Variants in RORA observed in about 807,000 individuals in gnomAD.
RORA encodes the protein RAR related orphan receptor A, also known as nuclear receptor ROR-alpha.
In RORA, 7 loss-of-function variants were observed where a neutral mutation model predicts 69.5. The observed-to-expected ratio is 0.10, with a 90% CI of 0.06 to 0.19. The LOEUF (loss-of-function observed/expected upper bound fraction) is 0.19. RORA is among the 10% of genes least tolerant of loss of function. The probability of loss-of-function intolerance (pLI) is 1.00; values close to 1 mark genes in which losing one functional copy is unlikely to be tolerated. For synonymous variants in RORA, 261 were observed against 240.8 expected (o/e 1.08, Z -0.78); for missense variants, 457 against 663.0 (o/e 0.69, Z 3.41).
At chr15:60,960,390 G>A (rs1403312413) in intron 1 of RORA, among the ~76,000 whole-genome samples, 1 of 152,154 alleles carries the variant, frequency 6.6e-6, no homozygotes, top group Non-Finnish European at 1.5e-5. Flanking sequence ...GACTCTCTTA[G>A]GAAGTAGCAG....
chr15:60,614,598 T>C (rs533778083), intron 2 of RORA, among the ~76,000 whole-genome samples: 1 of 152,262 alleles, frequency 6.6e-6, no homozygotes, highest in East Asian at 1.9e-4. Context: ...AAGACATGGC[T>C]TCTGTGTCGG....
intron 1 of RORA, among the ~76,000 whole-genome samples, chr15:60,851,738 G>A (rs2073327031): frequency 6.6e-6 from 1 of 151,534 alleles, no homozygotes; most frequent in Non-Finnish European, 1.5e-5. Context: ...GAGAGTGTGT[G>A]TGTGTATGAG....
At position 61,162,122 on chromosome 15, in the gene RORA, C is replaced by A. The variant is rs777359243; in HGVS notation, c.166+66931G>T. On this transcript the variant is annotated intron_variant, in intron 1 of 10. Coordinates refer to ENST00000335670, the MANE Select transcript of RORA (RefSeq NM_134261.3). Reference sequence around the variant, plus strand: ...ACTTTTGCCTACAGTCAGAAAAAAACGAAAAATGGCCTTAAAAATATTTCA... The same window carrying A: ...ACTTTTGCCTACAGTCAGAAAAAAAAGAAAAATGGCCTTAAAAATATTTCA... Among the ~76,000 whole-genome samples the A allele has an allele frequency of 6.6e-5, 10 of 151,994 alleles. No homozygotes were observed. In the South Asian group the frequency reaches 1.5e-3, roughly 22 times the overall value.
chr15:60,763,065 A>ATTTT (rs374433414), intron 1 of RORA, among the ~76,000 whole-genome samples: 654 of 48,360 alleles, frequency 0.014, 98 homozygotes, highest in African/African-American at 0.029. Flanking sequence ...ATATGCACAG[A>ATTTT]TTTTTTTTTT....
rs550997424 is a variant in RORA at position 60,982,235 on chromosome 15, G to A, written c.166+246818C>T. Among the ~76,000 whole-genome samples, 7 of 152,308 alleles carry A rather than the reference G, an allele frequency of 4.6e-5. No homozygotes were observed. The South Asian group carries it at 1.2e-3, about 27-fold the overall frequency. On this transcript the variant is annotated intron_variant, in intron 1 of 10. Coordinates refer to ENST00000335670, the MANE Select transcript of RORA (RefSeq NM_134261.3). ...CTTTGCCTTCACTTCCTGATTATGC[G>A]TAGCCTAATGGCCAGCCAGAGTTAA...
At chr15:60,610,694 C>T (rs2069064738) in intron 2 of RORA, among the ~76,000 whole-genome samples, 1 of 151,810 alleles carries the variant, frequency 6.6e-6, no homozygotes, top group Admixed American at 6.6e-5. Context: ...GTGATAGAAA[C>T]AGCACAATTG....
intron 1 of RORA, among the ~76,000 whole-genome samples, chr15:60,955,999 C>T (rs1399606180): frequency 2.0e-5 from 3 of 152,172 alleles, no homozygotes; most frequent in Non-Finnish European, 4.4e-5. Flanking sequence ...ACATTGTAAT[C>T]GCTGGCACAA....
chr15:60,663,105 T>A (rs2070328857), intron 2 of RORA, among the ~76,000 whole-genome samples: 1 of 152,236 alleles, frequency 6.6e-6, no homozygotes, highest in African/African-American at 2.4e-5. Flanking sequence ...GAAGCCTATA[T>A]TGCAACTGTT....
intron 1 of RORA, among the ~76,000 whole-genome samples, chr15:61,110,286 C>A (rs115909738): frequency 0.13 from 19,198 of 151,760 alleles, 1,295 homozygotes; most frequent in South Asian, 0.21. Flanking sequence ...GTCCCAGATA[C>A]TAGGGAGGCT....
intron 1 of RORA, among the ~76,000 whole-genome samples, chr15:61,066,977 C>T (rs915140873): frequency 9.4e-5 from 14 of 149,444 alleles, no homozygotes; most frequent in African/African-American, 1.7e-4. Flanking sequence ...ATTAAAGGTA[C>T]GATTGTGGAA....
Position 60,489,270 on chromosome 15 carries a change from A to G in RORA, c.*8185T>C, listed in dbSNP as rs1358962355. On this transcript the variant is annotated 3_prime_UTR_variant, in exon 11 of 11. Transcript: ENST00000335670. ...TGCATTTATAATTAAGGTAACAGCA[A>G]CTCTTCCACAAAAATGGAAAATGTC... The G allele has an allele frequency of 6.6e-6, 1 of 152,146 alleles. No individual in the cohort carries two copies. The highest frequency in any genetic ancestry group is 1.9e-4 in the East Asian group (1 of 5,194). 9.4% of individuals were successfully genotyped at this position (152,146 alleles called of 1,614,324 possible). A position where few individuals can be genotyped will look rare whatever the true frequency, so the allele number is the denominator to read the frequency against.
intron 2 of RORA, among the ~76,000 whole-genome samples, chr15:60,563,101 T>C (rs2067623553): frequency 6.6e-6 from 1 of 152,172 alleles, no homozygotes; most frequent in Non-Finnish European, 1.5e-5. Flanking sequence ...TAAGTTGAAA[T>C]TCTCCCAAAG....
At chr15:60,562,435 G>GC (rs1052465401) in intron 2 of RORA, among the ~76,000 whole-genome samples, 6 of 148,152 alleles carry the variant, frequency 4.0e-5, no homozygotes, top group African/African-American at 1.3e-4. Context: ...CGGGGTTGGG[G>GC]GGGGGTTGCT....
At chr15:61,010,976 A>C (rs1895068585) in intron 1 of RORA, among the ~76,000 whole-genome samples, 2 of 152,222 alleles carry the variant, frequency 1.3e-5, no homozygotes, top group African/African-American at 2.4e-5. Context: ...CAACTACATC[A>C]TGTCACCTAA....
intron 1 of RORA, among the ~76,000 whole-genome samples, chr15:61,054,826 GTT>G (rs66846535): frequency 9.6e-4 from 129 of 134,628 alleles, no homozygotes; most frequent in African/African-American, 2.6e-3. Context: ...TTTGTTTTTT[GTT>G]TTTTTTTTTT....
chr15:60,806,274 T>C (rs1391778204), intron 1 of RORA, among the ~76,000 whole-genome samples: 1 of 152,230 alleles, frequency 6.6e-6, no homozygotes, highest in East Asian at 1.9e-4. Flanking sequence ...AGCAGCTGGC[T>C]GGCCAAGGTG....
intron 1 of RORA, among the ~76,000 whole-genome samples, chr15:60,719,834 G>A (rs1595657297): frequency 6.6e-6 from 1 of 152,176 alleles, no homozygotes. Context: ...CTTGGGTACC[G>A]GAAAAATTGA....
At chr15:60,710,988 C>G (rs1180196341) in intron 1 of RORA, among the ~76,000 whole-genome samples, 1 of 152,170 alleles carries the variant, frequency 6.6e-6, no homozygotes, top group African/African-American at 2.4e-5. Flanking sequence ...AGAAAGGAAG[C>G]TCCATGCTTA....
intron 1 of RORA, among the ~76,000 whole-genome samples, chr15:60,859,058 G>A (rs2073410431): frequency 1.3e-5 from 2 of 151,662 alleles, no homozygotes; most frequent in Admixed American, 6.6e-5. Flanking sequence ...AAGACGTTGA[G>A]CTTACATTTG....
Sources: allele counts gnomAD v4.1 joint callset (sites outside exome capture counted in the v4.1 genomes callset), GRCh38; gene constraint gnomAD v4.1.1; transcripts MANE v1.5; gene names NCBI Gene and HGNC (gene_info 2026-07-23, HGNC 2026-07-21).